ERCC6: variants seen among roughly 807,000 people sequenced by gnomAD.
The protein encoded by ERCC6 is DNA excision repair protein ERCC-6.
A neutral mutation model predicts 158.7 loss-of-function variants in ERCC6; 116 were observed. The observed-to-expected ratio is 0.73, with a 90% confidence interval of 0.63 to 0.85. The LOEUF is 0.85. Ranked by LOEUF, ERCC6 falls within the 40% of genes least tolerant of loss-of-function variation. ERCC6 has a pLI of 0.00. For synonymous variants in ERCC6, 678 were observed against 659.3 expected (o/e 1.03, Z -0.43); for missense variants, 1,698 against 1,799.4 (o/e 0.94, Z 1.02).
chr10:49,539,025 C>A lies in ERCC6; in HGVS notation c.-78G>T, dbSNP rs4253005. The A allele has an allele frequency of 0.04, 6,182 of 152,760 alleles. 154 individuals are homozygous for A. Among genetic ancestry groups the A allele is most frequent in the Middle Eastern group, 0.074 (22 of 298 alleles). 9.5% of individuals were successfully genotyped at this position (152,760 alleles called of 1,614,324 possible). A position where few individuals can be genotyped will look rare whatever the true frequency, so the allele number is the denominator to read the frequency against. On this transcript the variant is annotated 5_prime_UTR_variant, in exon 1 of 21. Coordinates refer to ENST00000355832, the MANE Select transcript of ERCC6 (RefSeq NM_000124.4). ...TACCGCCGCCAGCCGCCTTGGAACC[C>A]AGCTCGACGGGCCGTGGCGCCTGCG...
intron 19 of ERCC6, 116 bp downstream of exon 19, chr10:49,461,236 C>T: frequency 9.1e-7 from 1 of 1,104,024 alleles, no homozygotes; most frequent in East Asian, 2.5e-5. Flanking sequence ...TAATCCCTCC[C>T]TGGGGATTTA....
intron 7 of ERCC6, among the ~76,000 whole-genome samples, chr10:49,498,038 T>C (rs1361221995): frequency 2.0e-5 from 3 of 152,218 alleles, no homozygotes; most frequent in Non-Finnish European, 2.9e-5. Context: ...CCTATCATTA[T>C]AATATGAATG....
chr10:49,536,136 A>G (rs887632074), intron 1 of ERCC6, among the ~76,000 whole-genome samples: 30 of 152,284 alleles, frequency 2.0e-4, no homozygotes, highest in African/African-American at 7.0e-4. Context: ...AAAAAGTTTC[A>G]GTGGAGCGAT....
At chr10:49,484,147 G>A (rs184125464) in intron 8 of ERCC6, among the ~76,000 whole-genome samples, 74 of 152,000 alleles carry the variant, frequency 4.9e-4, no homozygotes, top group African/African-American at 1.6e-3. Context: ...TGGATGTGGT[G>A]CCAAGCACCT....
intron 20 of ERCC6, chr10:49,460,051 G>A (rs1850549681): frequency 2.4e-6 from 1 of 419,112 alleles, no homozygotes; most frequent in African/African-American, 2.0e-5. Context: ...ATTTCAGAGG[G>A]TTGTGGTCTC....
At chr10:49,488,860 T>A (rs1645741583) in intron 8 of ERCC6, among the ~76,000 whole-genome samples, 1 of 152,174 alleles carries the variant, frequency 6.6e-6, no homozygotes, top group Admixed American at 6.5e-5. Flanking sequence ...CTCAGCTCAC[T>A]GCAAGTTCCG....
At chr10:49,538,511 C>G (rs1837656490) in intron 1 of ERCC6, among the ~76,000 whole-genome samples, 1 of 152,200 alleles carries the variant, frequency 6.6e-6, no homozygotes, top group Non-Finnish European at 1.5e-5. Context: ...TAAGACGCTG[C>G]GTGGAAGTCA....
At chr10:49,471,620 C>G (rs1417305029) in intron 16 of ERCC6, among the ~76,000 whole-genome samples, 1 of 152,192 alleles carries the variant, frequency 6.6e-6, no homozygotes. Flanking sequence ...GCACCTCCAC[C>G]AGCCACCCTG....
chr10:49,528,511 T>G lies in ERCC6; in HGVS notation c.558A>C (p.Lys186Asn), dbSNP rs1041205005. 6 of 1,614,086 alleles carry G rather than the reference T, an allele frequency of 3.7e-6. No individual in the cohort carries two copies. The South Asian group carries it at 5.5e-5, about 15-fold the overall frequency. The change falls in exon 4 of 21, where the codon AAA becomes AAC. Residue 186 changes from lysine to asparagine, a missense_variant. By Grantham distance (94) the Lys-to-Asn change is moderately conservative. Transcript: ENST00000355832. ...RQKYNKEQQL[K>N]KITAKQKHLQ... ...GATGCTTTTGTTTTGCAGTGATCTT[T>G]TTTAGCTGTTGTTCCTTGAATGGTA... is the stretch of plus-strand genomic sequence containing the variant.
At chr10:49,446,209 T>C in the ERCC6 span, among the ~76,000 whole-genome samples, 252 of 148,738 alleles carry the variant, frequency 1.7e-3, 1 homozygote, top group Non-Finnish European at 3.3e-3. Context: ...GACTCACCCA[T>C]CTTTACACAC....
chr10:49,457,835 C>T lies in ERCC6; in HGVS notation c.*980G>A, dbSNP rs576562742. ...CATCACAGAACCACAAACACATAAA[C>T]AGTAGTGAGATACAAACAGCCTTGG... On this transcript the variant is annotated 3_prime_UTR_variant, in exon 21 of 21. Transcript: ENST00000355832. 4.6e-5 allele frequency: 7 copies of T among 152,346 alleles called. No individual in the cohort carries two copies. The East Asian group carries it at 1.3e-3, about 29-fold the overall frequency. 9.4% of individuals were successfully genotyped at this position (152,346 alleles called of 1,614,324 possible).
chr10:49,484,789 G>C (rs1242604840), intron 8 of ERCC6, among the ~76,000 whole-genome samples: 1 of 152,158 alleles, frequency 6.6e-6, no homozygotes, highest in Non-Finnish European at 1.5e-5. Flanking sequence ...ATAGATTCTA[G>C]TCAGAACAAA....
chr10:49,460,287 T>C (rs1850554224), intron 20 of ERCC6, 86 bp downstream of exon 20: 30 of 936,808 alleles, frequency 3.2e-5, no homozygotes, highest in African/African-American at 1.6e-5. Flanking sequence ...ATGACCATTT[T>C]CTTCACATCC....
chr10:49,522,107 A>C (rs527688386), intron 5 of ERCC6, among the ~76,000 whole-genome samples: 1 of 152,320 alleles, frequency 6.6e-6, no homozygotes, highest in African/African-American at 2.4e-5. Flanking sequence ...ACTAAAAAAA[A>C]ACTAATTTTC....
At position 49,470,839 on chromosome 10, in the gene ERCC6, G is replaced by C. The variant is rs755833828; in HGVS notation, c.3121C>G (p.Gln1041Glu). The C allele has an allele frequency of 6.2e-7, 1 of 1,614,094 alleles. No homozygotes were observed. Among genetic ancestry groups the C allele is most frequent in the Non-Finnish European group, 8.5e-7 (1 of 1,180,000 alleles). The change falls in exon 18 of 21, where the codon CAA becomes GAA. Residue 1041 changes from glutamine (Q) to glutamate (E), a missense_variant. Gln to Glu is a conservative substitution (Grantham distance 29). Transcript: ENST00000355832. The part of the protein sequence containing the change: ...TPKCHLKRRI[Q>E]PAFGADHDVP... ...TCATGGTCTGCTCCAAAGGCTGGTT[G>C]AATCCTTCTTTTTAGATGGCATTTG...
chr10:49,473,375 G>T (rs1292865747), intron 14 of ERCC6, 102 bp downstream of exon 14: 5 of 869,504 alleles, frequency 5.8e-6, no homozygotes, highest in Non-Finnish European at 8.0e-6. Context: ...CCCAAGCCCA[G>T]ATGTCAATGC....
the ERCC6 span, among the ~76,000 whole-genome samples, chr10:49,446,260 C>T: frequency 1.6e-5 from 1 of 61,182 alleles, no homozygotes; most frequent in Non-Finnish European, 3.3e-5. Context: ...CACACACACC[C>T]CCCAATTTAC....
chr10:49,518,202 C>T (rs889110708), intron 5 of ERCC6, among the ~76,000 whole-genome samples: 4 of 152,224 alleles, frequency 2.6e-5, no homozygotes, highest in African/African-American at 9.6e-5. Flanking sequence ...GTTCTCAGGG[C>T]ACTGCCTTTA....
At position 49,519,205 on chromosome 10, in the gene ERCC6, T is replaced by C. The variant is rs370145967; in HGVS notation, c.1397+4828A>G. ...CCACCCTGTGGTCATACCTAAATAT[T>C]GCACCTTCTACTCAATCCCACAAAG... On this transcript the variant is annotated intron_variant, in intron 5 of 20. Coordinates refer to ENST00000355832, the MANE Select transcript of ERCC6 (RefSeq NM_000124.4). 2.6e-5 allele frequency among the ~76,000 whole-genome samples: 4 copies of C among 152,300 alleles called. No homozygotes were observed. In the South Asian group the frequency reaches 8.3e-4, roughly 32 times the overall value.
Sources: allele counts gnomAD v4.1 joint callset (sites outside exome capture counted in the v4.1 genomes callset), GRCh38; gene constraint gnomAD v4.1.1; transcripts MANE v1.5; gene names NCBI Gene and HGNC (gene_info 2026-07-23, HGNC 2026-07-21).